PCED1B: variants seen among roughly 807,000 people sequenced by gnomAD.
The protein encoded by PCED1B is PC-esterase domain containing 1B.
For synonymous variants in PCED1B, 251 were observed against 246.1 expected (o/e 1.02, Z -0.19); for missense variants, 573 against 573.9 (o/e 1.00, Z 0.02).
chr12:47,084,349 CT>C (rs1330167713), intron 1 of PCED1B, among the ~76,000 whole-genome samples: 5 of 152,214 alleles, frequency 3.3e-5, no homozygotes, highest in African/African-American at 4.8e-5. Flanking sequence ...ATGTGTATCA[CT>C]TTTGCACCAT....
At chr12:47,162,996 T>C (rs929336453) in intron 2 of PCED1B, among the ~76,000 whole-genome samples, 14 of 152,342 alleles carry the variant, frequency 9.2e-5, no homozygotes, top group South Asian at 2.1e-4. Context: ...AGGGATTGCA[T>C]TGAATCTGTT....
At chr12:47,083,204 T>C (rs1277960852) in intron 1 of PCED1B, among the ~76,000 whole-genome samples, 2 of 152,018 alleles carry the variant, frequency 1.3e-5, no homozygotes, top group Non-Finnish European at 2.9e-5. Flanking sequence ...TTCTAAGTCA[T>C]TTTTACTAAT....
intron 2 of PCED1B, among the ~76,000 whole-genome samples, chr12:47,161,640 T>C (rs1270095827): frequency 1.3e-5 from 2 of 152,096 alleles, no homozygotes; most frequent in Non-Finnish European, 2.9e-5. Flanking sequence ...TGTGGAGAAA[T>C]AGGAACACTT....
chr12:47,173,018 GA>G, intron 2 of PCED1B, among the ~76,000 whole-genome samples: 1 of 152,180 alleles, frequency 6.6e-6, no homozygotes, highest in East Asian at 1.9e-4. Context: ...ATAAAGAGGA[GA>G]AAATCAACTG....
intron 2 of PCED1B, among the ~76,000 whole-genome samples, chr12:47,176,857 GA>G (rs559412016): frequency 0.056 from 8,019 of 143,662 alleles, 677 homozygotes; most frequent in African/African-American, 0.19. Context: ...AGTGTGGGGA[GA>G]AAAAAAAAAA....
In PCED1B at chr12:47,235,861, C is replaced by T; in HGVS notation, c.798C>T (p.Ile266=). 6.3e-7 allele frequency: 1 copy of T among 1,579,008 alleles called. No homozygotes were observed. The highest frequency in any genetic ancestry group is 8.6e-7 in the Non-Finnish European group (1 of 1,162,716). The change falls in exon 4 of 4, where the codon ATC becomes ATT. Residue 266 remains isoleucine, a synonymous_variant. Coordinates refer to ENST00000546455, the MANE Select transcript of PCED1B (RefSeq NM_138371.3). The stretch of plus-strand genomic sequence containing the variant: ...ACCGCCACCCCGTGGGCGAGTGGAT[C>T]AAGAAGAAAAAACCTGGCCCGAGAG... The part of the protein sequence containing the change: ...LPHRHPVGEW[I]KKKKPGPRVE...
intron 3 of PCED1B, among the ~76,000 whole-genome samples, chr12:47,217,959 ATAAT>A (rs1201322784): frequency 1.3e-5 from 2 of 152,228 alleles, no homozygotes; most frequent in Non-Finnish European, 2.9e-5. Context: ...ATGCCACTAA[ATAAT>A]TAATGTTGCT....
At chr12:47,155,547 AAAT>A (rs1941165131) in intron 2 of PCED1B, among the ~76,000 whole-genome samples, 1 of 152,240 alleles carries the variant, frequency 6.6e-6, no homozygotes, top group African/African-American at 2.4e-5. Context: ...ATTGTTGAAC[AAAT>A]AATATGTTGC....
intron 1 of PCED1B, among the ~76,000 whole-genome samples, chr12:47,098,852 G>A (rs1182568993): frequency 6.6e-6 from 1 of 152,054 alleles, no homozygotes; most frequent in Non-Finnish European, 1.5e-5. Context: ...AGAAAGAGTG[G>A]GAGACTACAG....
chr12:47,214,752 G>A (rs747653320), intron 2 of PCED1B, among the ~76,000 whole-genome samples: 2 of 151,852 alleles, frequency 1.3e-5, no homozygotes, highest in Non-Finnish European at 2.9e-5. Context: ...TCCTGATACA[G>A]ATACTTTGAC....
intron 1 of PCED1B, among the ~76,000 whole-genome samples, chr12:47,094,338 A>G (rs903065065): frequency 1.3e-5 from 2 of 152,016 alleles, no homozygotes; most frequent in African/African-American, 4.8e-5. Flanking sequence ...AGATTTGAAG[A>G]TTTGGGTTTG....
chr12:47,148,046 T>C (rs762096636), intron 2 of PCED1B, among the ~76,000 whole-genome samples: 24 of 152,216 alleles, frequency 1.6e-4, no homozygotes, highest in South Asian at 2.1e-4. Context: ...GAGAGTTTGA[T>C]GTTAAGGTGC....
At chr12:47,166,889 G>T (rs1280693286) in intron 2 of PCED1B, among the ~76,000 whole-genome samples, 1 of 152,120 alleles carries the variant, frequency 6.6e-6, no homozygotes, top group Non-Finnish European at 1.5e-5. Context: ...TTTTAATTAT[G>T]TACATAGCTA....
rs529945711 is a variant in PCED1B, at chr12:47,116,719, T to A, written c.-526+12524T>A. ...GGACTGTGTTAATCATGAGTGTTTT[T>A]TAAATTTAATTTTTTCTTTATTCAG... On this transcript the variant is annotated intron_variant, in intron 2 of 3. Coordinates refer to ENST00000546455, the MANE Select transcript of PCED1B (RefSeq NM_138371.3). 2.0e-5 allele frequency among the ~76,000 whole-genome samples: 3 copies of A among 152,304 alleles called. No homozygotes were observed. In the East Asian group the frequency reaches 5.8e-4, roughly 29 times the overall value.
chr12:47,175,538 G>T (rs1941894762), intron 2 of PCED1B, among the ~76,000 whole-genome samples: 1 of 151,492 alleles, frequency 6.6e-6, no homozygotes, highest in African/African-American at 2.4e-5. Context: ...AAACCTTTTG[G>T]TTTACTTCTT....
At chr12:47,135,223 C>T (rs1350427821) in intron 2 of PCED1B, among the ~76,000 whole-genome samples, 1 of 152,126 alleles carries the variant, frequency 6.6e-6, no homozygotes, top group East Asian at 1.9e-4. Context: ...GGGCTTGCTC[C>T]TTCAAAGGAT....
chr12:47,164,523 C>A (rs1225944840), intron 2 of PCED1B, among the ~76,000 whole-genome samples: 1 of 152,236 alleles, frequency 6.6e-6, no homozygotes, highest in African/African-American at 2.4e-5. Context: ...ACCTCAATGG[C>A]CTTGCTGCAT....
chr12:47,235,430 T>G lies in PCED1B; in HGVS notation c.367T>G (p.Ser123Ala). The change falls in exon 4 of 4, where the codon TCC becomes GCC. Residue 123 changes from serine to alanine, a missense_variant. Coordinates refer to ENST00000546455, the MANE Select transcript of PCED1B (RefSeq NM_138371.3). ...EHAPDLVIMN[S>A]CLWDISRYGP... ...CGCCCCCGACCTGGTCATCATGAAT[T>G]CCTGCCTCTGGGACATCTCCAGGTA... The G allele has an allele frequency of 6.2e-7, 1 of 1,614,148 alleles. No individual in the cohort carries two copies. The highest frequency in any genetic ancestry group is 2.2e-5 in the East Asian group (1 of 44,860).
At chr12:47,133,378 G>GA (rs1940212710) in intron 2 of PCED1B, among the ~76,000 whole-genome samples, 1 of 152,120 alleles carries the variant, frequency 6.6e-6, no homozygotes, top group Admixed American at 6.6e-5. Context: ...CCAGGGCCCT[G>GA]AAAAAACAGA....
Sources: allele counts gnomAD v4.1 joint callset (sites outside exome capture counted in the v4.1 genomes callset), GRCh38; gene constraint gnomAD v4.1.1; transcripts MANE v1.5; gene names NCBI Gene and HGNC (gene_info 2026-07-23, HGNC 2026-07-21).